CBL: variants seen among roughly 807,000 people sequenced by gnomAD.
The protein encoded by CBL is Cbl proto-oncogene.
In CBL, 45 loss-of-function variants were observed where a neutral mutation model predicts 96.9. That is an observed-to-expected ratio of 0.46 (90% CI 0.37 to 0.60). The LOEUF is 0.60. Among genes scored for constraint, CBL ranks in the 20% least tolerant of loss-of-function variants. CBL has a pLI of 0.00. For synonymous variants in CBL, 420 were observed against 426.8 expected, an observed-to-expected ratio of 0.98 and a Z score of 0.20; for missense variants, 1,024 against 1,143.5, an observed-to-expected ratio of 0.90 and a Z score of 1.51.
chr11:119,215,579 T>G (rs1174755864), intron 1 of CBL, among the ~76,000 whole-genome samples: 1 of 151,650 alleles, frequency 6.6e-6, no homozygotes, highest in African/African-American at 2.4e-5. Context: ...GGCAGGAGAA[T>G]CGTTTAAACC....
chr11:119,283,978 CAA>C (rs1223583612), intron 9 of CBL, among the ~76,000 whole-genome samples: 3 of 151,968 alleles, frequency 2.0e-5, no homozygotes, highest in Non-Finnish European at 2.9e-5. Flanking sequence ...TGGAAGGACT[CAA>C]GATGCTTTTT....
intron 2 of CBL, among the ~76,000 whole-genome samples, chr11:119,249,051 G>C (rs532013518): frequency 9.9e-5 from 15 of 152,284 alleles, no homozygotes; most frequent in African/African-American, 3.1e-4. Context: ...TTAGAAAGCT[G>C]AACATAGAAT....
At chr11:119,278,016 G>C in intron 7 of CBL, 150 bp from the exon 8 acceptor site, 1 of 867,132 alleles carries the variant, frequency 1.2e-6, no homozygotes, top group South Asian at 1.6e-5. Flanking sequence ...CAGACTAGAT[G>C]CTTTCTGGTT....
At chr11:119,265,089 C>G (rs1206709300) in intron 2 of CBL, among the ~76,000 whole-genome samples, 2 of 152,042 alleles carry the variant, frequency 1.3e-5, no homozygotes, top group East Asian at 3.9e-4. Context: ...CTATATTGCC[C>G]AGGCTGGTCT....
intron 2 of CBL, among the ~76,000 whole-genome samples, chr11:119,235,939 A>T (rs902544890): frequency 6.6e-6 from 1 of 152,192 alleles, no homozygotes; most frequent in African/African-American, 2.4e-5. Flanking sequence ...CATTTTTTCA[A>T]TCAACTTTCT....
chr11:119,253,835 T>TAAAAAC (rs55982813), intron 2 of CBL, among the ~76,000 whole-genome samples: 11 of 148,468 alleles, frequency 7.4e-5, no homozygotes, highest in East Asian at 2.0e-4. Context: ...AGACCCCATC[T>TAAAAAC]AAAAACAAAA....
At chr11:119,275,307 G>A (rs1188584903) in intron 5 of CBL, among the ~76,000 whole-genome samples, 5 of 151,844 alleles carry the variant, frequency 3.3e-5, no homozygotes, top group African/African-American at 9.7e-5. Context: ...GGTGTGGTGC[G>A]GGTGCCTGTA....
intron 2 of CBL, among the ~76,000 whole-genome samples, chr11:119,258,196 C>G (rs547781858): frequency 6.6e-6 from 1 of 152,064 alleles, no homozygotes; most frequent in Admixed American, 6.6e-5. Flanking sequence ...CCATTGCACT[C>G]CAGCCTGGGC....
At chr11:119,278,849 A>G (rs1182500945) in intron 9 of CBL, 136 bp downstream of exon 9, 2 of 754,908 alleles carry the variant, frequency 2.6e-6, no homozygotes, top group Non-Finnish European at 4.7e-6. Flanking sequence ...ACTATATGAC[A>G]GATATTGTGT....
At chr11:119,230,369 T>G (rs1439608811) in intron 1 of CBL, among the ~76,000 whole-genome samples, 2 of 151,932 alleles carry the variant, frequency 1.3e-5, no homozygotes, top group African/African-American at 4.8e-5. Flanking sequence ...CTGGATCTCC[T>G]GACCTCGTGA....
In CBL at chr11:119,304,183, G is replaced by C. The variant is rs1414682767; in HGVS notation, c.*4402G>C. On this transcript the variant is annotated 3_prime_UTR_variant, in exon 16 of 16. Transcript: ENST00000264033. ...ACACATCATTCTACCAGACCTTAGA[G>C]CTTTAGAAGCTCAATCTAAAATACT... 4.3e-6 allele frequency: 1 copy of C among 233,154 alleles called. No homozygotes were observed. Among genetic ancestry groups the C allele is most frequent in the Admixed American group, 5.6e-5 (1 of 17,776 alleles). The allele number at this position is 233,154 out of a possible 1,614,324, so 14.4% of individuals were successfully genotyped here.
At chr11:119,242,475 T>C (rs1592381943) in intron 2 of CBL, among the ~76,000 whole-genome samples, 1 of 144,308 alleles carries the variant, frequency 6.9e-6, no homozygotes, top group Non-Finnish European at 1.5e-5. Context: ...GAGGCGGAGG[T>C]TGCAGTGAGC....
intron 8 of CBL, 29 bp from the exon 9 acceptor site, chr11:119,278,481 T>C (rs1347417951): frequency 6.3e-7 from 1 of 1,587,762 alleles, no homozygotes; most frequent in African/African-American, 1.3e-5. Flanking sequence ...TTCAGATGCA[T>C]CTGTTACTAT....
rs143546050 is a variant in CBL, at chr11:119,210,111, T to C, written c.195+3499T>C. ...AATTGGCCTTAAATGTATGCTGGGC[T>C]CACACCTGTAATCCCAACACTTTGG... On this transcript the variant is annotated intron_variant, in intron 1 of 15. Coordinates refer to ENST00000264033, the MANE Select transcript of CBL (RefSeq NM_005188.4). 5.7e-3 allele frequency among the ~76,000 whole-genome samples: 869 copies of C among 152,292 alleles called. 9 individuals carry two copies. The highest frequency in any genetic ancestry group is 0.016 in the African/African-American group (666 of 41,564).
At chr11:119,237,498 A>G (rs1488053614) in intron 2 of CBL, among the ~76,000 whole-genome samples, 3 of 151,926 alleles carry the variant, frequency 2.0e-5, no homozygotes, top group Admixed American at 6.6e-5. Context: ...GTTTTTTCCT[A>G]TTTTATAGTT....
rs574449476 is a variant in CBL, at chr11:119,221,782, A to T, written c.196-10666A>T. Reference sequence around the variant, plus strand: ...ACTCCGTCTCAAAAAAAAAAAAAAAAGCTTCACTATATATTTATACCTGTT... The same window carrying T: ...ACTCCGTCTCAAAAAAAAAAAAAAATGCTTCACTATATATTTATACCTGTT... On this transcript the variant is annotated intron_variant, in intron 1 of 15. Transcript: ENST00000264033. Among the ~76,000 whole-genome samples, 5 of 152,024 alleles carry T rather than the reference A, an allele frequency of 3.3e-5. No homozygotes were observed. In the South Asian group the frequency reaches 1.0e-3, roughly 32 times the overall value.
chr11:119,242,267 GCACAGTGGCT>G (rs1043382702), intron 2 of CBL, among the ~76,000 whole-genome samples: 2 of 152,082 alleles, frequency 1.3e-5, no homozygotes, highest in African/African-American at 4.8e-5. Flanking sequence ...CTGAAACTGG[GCACAGTGGCT>G]CACGATTGTA....
Position 119,285,534 on chromosome 11 carries a change from C to T in CBL, c.1909C>T (p.Leu637Phe). The T allele has an allele frequency of 6.2e-7, 1 of 1,614,082 alleles. No homozygotes were observed. The highest frequency in any genetic ancestry group is 1.1e-5 in the South Asian group (1 of 91,086). ...GGAGCCCAGACCAGATGTGCCTAGG[C>T]TCGGAAGCACGTTCAGTCTGGATAC... ...QMEPRPDVPR[L>F]GSTFSLDTSM... Residue 637 changes from leucine to phenylalanine, a missense_variant, in exon 11 of 16, where the codon CTC (leucine) becomes TTC (phenylalanine). Transcript: ENST00000264033.
At chr11:119,291,095 C>T (rs1208453466) in intron 12 of CBL, among the ~76,000 whole-genome samples, 1 of 152,206 alleles carries the variant, frequency 6.6e-6, no homozygotes, top group African/African-American at 2.4e-5. Context: ...AATGTTACTC[C>T]TTTAAAGGTA....
Sources: gnomAD v4.1 joint callset for allele counts (sites outside exome capture counted in the v4.1 genomes callset) on GRCh38, gnomAD v4.1.1 for gene constraint, MANE v1.5 for transcripts, NCBI Gene and HGNC (gene_info 2026-07-23, HGNC 2026-07-21) for gene names.